Variants in TMEM108 observed in about 807,000 individuals in gnomAD.
TMEM108 encodes the protein cancer/testis antigen 124.
A neutral mutation model predicts 35.1 loss-of-function variants in TMEM108; 12 were observed. That is an observed-to-expected ratio of 0.34 (90% CI 0.22 to 0.55). The LOEUF (loss-of-function observed/expected upper bound fraction) is 0.55, where lower values mean the gene tolerates loss of function less well. Among genes scored for constraint, TMEM108 ranks in the 20% least tolerant of loss-of-function variants. The pLI is 0.89. For synonymous variants in TMEM108, 287 were observed against 308.6 expected, an observed-to-expected ratio of 0.93 and a Z score of 0.73; for missense variants, 680 against 753.3, an observed-to-expected ratio of 0.90 and a Z score of 1.14.
At chr3:133,270,152 C>G (rs954084866) in intron 3 of TMEM108, among the ~76,000 whole-genome samples, 1 of 152,148 alleles carries the variant, frequency 6.6e-6, no homozygotes, top group East Asian at 1.9e-4. Context: ...GTTCTCCCCT[C>G]CCCCAATCAA....
At chr3:133,302,878 GAA>G (rs1947249786) in intron 3 of TMEM108, among the ~76,000 whole-genome samples, 1 of 152,154 alleles carries the variant, frequency 6.6e-6, no homozygotes, top group Admixed American at 6.5e-5. Flanking sequence ...TCTGGTATAA[GAA>G]GAGTAGTTGA....
intron 4 of TMEM108, among the ~76,000 whole-genome samples, chr3:133,382,102 G>A (rs2073029182): frequency 3.3e-5 from 5 of 152,104 alleles, no homozygotes; most frequent in Admixed American, 3.3e-4. Flanking sequence ...ATGATTCTTA[G>A]AGTTTCTCTG....
chr3:133,149,368 G>T (rs1446367132), intron 2 of TMEM108, among the ~76,000 whole-genome samples: 1 of 152,102 alleles, frequency 6.6e-6, no homozygotes, highest in Non-Finnish European at 1.5e-5. Flanking sequence ...TTTGATGTAT[G>T]GTGAGAACAC....
chr3:133,123,097 G>A (rs750223619), intron 2 of TMEM108, among the ~76,000 whole-genome samples: 6 of 152,176 alleles, frequency 3.9e-5, no homozygotes, highest in South Asian at 2.1e-4. Context: ...GTGTATGTAC[G>A]GATACATATA....
intron 4 of TMEM108, chr3:133,389,170 G>T: frequency 2.0e-6 from 2 of 985,604 alleles, no homozygotes; most frequent in Non-Finnish European, 2.4e-6. Context: ...CCACCTCTCT[G>T]ACCTCAGAAG....
intron 2 of TMEM108, among the ~76,000 whole-genome samples, chr3:133,197,382 A>G (rs1159646336): frequency 6.6e-6 from 1 of 152,102 alleles, no homozygotes. Context: ...GCAGTGGTAG[A>G]GTGAGGAAAA....
At chr3:133,357,064 T>A (rs2072194417) in intron 3 of TMEM108, among the ~76,000 whole-genome samples, 1 of 152,084 alleles carries the variant, frequency 6.6e-6, no homozygotes, top group Admixed American at 6.5e-5. Context: ...GTATCCAGAA[T>A]CTACAAGGAA....
rs1559949517 is a variant in TMEM108 at position 133,390,210 on chromosome 3, G to A, written c.1481G>A (p.Arg494Lys). ...SVLLTVCCMK[R>K]KKKTANPENN... ...CTGCTGACGGTGTGCTGCATGAAGA[G>A]GAAGAAGAAGACCGCCAACCCGGAG... is the stretch of plus-strand genomic sequence containing the variant. Residue 494 changes from arginine to lysine, a missense_variant, in exon 5 of 6, where the codon AGG (arginine) becomes AAG (lysine). Around this residue, in one of 3 missense-constraint regions of TMEM108, gnomAD observed 105 missense variants for 150.7 expected, o/e 0.70. Coordinates refer to ENST00000321871, the MANE Select transcript of TMEM108 (RefSeq NM_023943.4). The A allele has an allele frequency of 1.2e-6, 2 of 1,614,050 alleles. No homozygotes were observed. Among genetic ancestry groups the A allele is most frequent in the Non-Finnish European group, 1.7e-6 (2 of 1,180,052 alleles).
At chr3:133,064,192 TCTC>T (rs1289565063) in intron 2 of TMEM108, among the ~76,000 whole-genome samples, 1 of 152,168 alleles carries the variant, frequency 6.6e-6, no homozygotes, top group Non-Finnish European at 1.5e-5. Flanking sequence ...AGTTATCACT[TCTC>T]CTGAGCTAAA....
chr3:133,369,029 C>T (rs2072579635), intron 3 of TMEM108, among the ~76,000 whole-genome samples: 1 of 152,206 alleles, frequency 6.6e-6, no homozygotes, highest in Non-Finnish European at 1.5e-5. Context: ...TATTTTCCTT[C>T]TCATACAGCT....
At chr3:133,290,271 T>G (rs916587766) in intron 3 of TMEM108, among the ~76,000 whole-genome samples, 3 of 152,190 alleles carry the variant, frequency 2.0e-5, no homozygotes, top group African/African-American at 7.2e-5. Context: ...ACCACTTAGC[T>G]ATCTCTCTCT....
chr3:133,059,565 G>A (rs951456423), intron 2 of TMEM108, among the ~76,000 whole-genome samples: 4 of 152,200 alleles, frequency 2.6e-5, no homozygotes, highest in African/African-American at 9.7e-5. Context: ...AAATGAGAGA[G>A]GCCTAGGTTT....
intron 2 of TMEM108, among the ~76,000 whole-genome samples, chr3:133,118,579 G>A (rs938433129): frequency 2.6e-5 from 4 of 152,144 alleles, no homozygotes; most frequent in Non-Finnish European, 4.4e-5. Context: ...TAAAAATTTA[G>A]TACAGGTGAT....
chr3:133,142,262 A>G (rs1944651950), intron 2 of TMEM108, among the ~76,000 whole-genome samples: 1 of 152,224 alleles, frequency 6.6e-6, no homozygotes, highest in Non-Finnish European at 1.5e-5. Context: ...ATAATGTGGT[A>G]AAAGTTAAAT....
chr3:133,288,354 C>G (rs1947013882), intron 3 of TMEM108, among the ~76,000 whole-genome samples: 2 of 152,360 alleles, frequency 1.3e-5, no homozygotes, highest in South Asian at 4.1e-4. Context: ...AGCTTTCCCT[C>G]ACCCAAAGAA....
intron 2 of TMEM108, among the ~76,000 whole-genome samples, chr3:133,159,768 G>C (rs1333340732): frequency 1.3e-5 from 2 of 152,190 alleles, no homozygotes; most frequent in African/African-American, 4.8e-5. Flanking sequence ...CTTGAAGCCA[G>C]GCAGTGTTGC....
At chr3:133,046,412 TTTC>T (rs746571046) in intron 2 of TMEM108, among the ~76,000 whole-genome samples, 1 of 152,252 alleles carries the variant, frequency 6.6e-6, no homozygotes, top group Non-Finnish European at 1.5e-5. Flanking sequence ...TACCACCTTC[TTTC>T]TTCTTTGATT....
At chr3:133,160,316 G>A (rs1391968598) in intron 2 of TMEM108, among the ~76,000 whole-genome samples, 1 of 152,198 alleles carries the variant, frequency 6.6e-6, no homozygotes, top group East Asian at 1.9e-4. Context: ...AGTGGGTCTG[G>A]GTGTGAGACT....
intron 2 of TMEM108, among the ~76,000 whole-genome samples, chr3:133,172,200 G>A (rs948057674): frequency 6.6e-5 from 10 of 152,040 alleles, no homozygotes; most frequent in African/African-American, 2.4e-4. Context: ...TTTTTCAAGG[G>A]CATGTAGCTT....
Sources: allele counts gnomAD v4.1 joint callset (sites outside exome capture counted in the v4.1 genomes callset), GRCh38; gene constraint gnomAD v4.1.1; regional missense constraint gnomAD v4.1.1; transcripts MANE v1.5; gene names NCBI Gene and HGNC (gene_info 2026-07-23, HGNC 2026-07-21).